TRMT11: variants seen among roughly 807,000 people sequenced by gnomAD.
TRMT11 encodes the protein tRNA (guanine(10)-N(2))-methyltransferase TRMT11.
TRMT11 carries 53 observed loss-of-function variants against 62.8 expected under a neutral mutation model. That is an observed-to-expected ratio of 0.84 (90% CI 0.68 to 1.06). TRMT11 has a LOEUF of 1.06. Among genes scored for constraint, TRMT11 ranks in the 50% least tolerant of loss-of-function variants. The pLI, the probability that TRMT11 is intolerant of heterozygous loss-of-function variation, is 0.00. For synonymous variants in TRMT11, 188 were observed against 190.3 expected (o/e 0.99, Z 0.10); for missense variants, 556 against 553.4 (o/e 1.00, Z -0.05).
intron 17 of TRMT11, among the ~76,000 whole-genome samples, chr6:126,105,707 T>C (rs1489047822): frequency 6.6e-6 from 1 of 152,176 alleles, no homozygotes; most frequent in Admixed American, 6.5e-5. Context: ...TCTTAAAAGT[T>C]TGATTTTCAA....
chr6:126,134,633 A>G (rs1323634137), intron 21 of TRMT11, among the ~76,000 whole-genome samples: 1 of 151,922 alleles, frequency 6.6e-6, no homozygotes, highest in Admixed American at 6.6e-5. Flanking sequence ...TGTATTGTAG[A>G]TTAAATGGAC....
intron 17 of TRMT11, among the ~76,000 whole-genome samples, chr6:126,060,790 A>G (rs1776514167): frequency 6.6e-6 from 1 of 152,242 alleles, no homozygotes; most frequent in African/African-American, 2.4e-5. Context: ...GGCTAGGGGT[A>G]AGTCACTATA....
chr6:126,049,379 G>T (rs1033451812), intron 16 of TRMT11, among the ~76,000 whole-genome samples: 33 of 152,286 alleles, frequency 2.2e-4, no homozygotes, highest in Middle Eastern at 3.4e-3. Flanking sequence ...TATTGATGTT[G>T]AAGCAGGCAA....
intron 21 of TRMT11, among the ~76,000 whole-genome samples, chr6:126,146,056 G>T (rs1333419872): frequency 6.6e-6 from 1 of 152,100 alleles, no homozygotes; most frequent in Non-Finnish European, 1.5e-5. Flanking sequence ...AGAATCCTGG[G>T]AGAACTTAAC....
chr6:126,069,110 G>A (rs1240583204), intron 17 of TRMT11, among the ~76,000 whole-genome samples: 7 of 152,242 alleles, frequency 4.6e-5, no homozygotes, highest in African/African-American at 1.2e-4. Context: ...CCAAGTCACA[G>A]AAGATGCTCA....
chr6:126,137,252 T>A lies in TRMT11; in HGVS notation c.*1823+21397T>A, dbSNP rs868774215. On this transcript the variant is annotated intron_variant and NMD_transcript_variant, in intron 21 of 22. Transcript: ENST00000648977. Reference sequence around the variant, plus strand: ...AACTATCCATCTGAAAAGGAATTAATAACCAGAGTATGTAAAGAACTCAAA... The same window carrying A: ...AACTATCCATCTGAAAAGGAATTAAAAACCAGAGTATGTAAAGAACTCAAA... Among the ~76,000 whole-genome samples, 23 of 151,770 alleles carry A rather than the reference T, an allele frequency of 1.5e-4. 1 individual carries two copies. Among genetic ancestry groups the A allele is most frequent in the South Asian group, 2.1e-4 (1 of 4,816 alleles).
At chr6:126,047,654 C>T (rs796730199) in intron 16 of TRMT11, among the ~76,000 whole-genome samples, 64 of 152,282 alleles carry the variant, frequency 4.2e-4, no homozygotes, top group African/African-American at 1.4e-3. Flanking sequence ...TGTCCACAGA[C>T]GGCAACTGCT....
chr6:126,257,826 T>G, the TRMT11 span: 2 of 920,990 alleles, frequency 2.2e-6, no homozygotes, highest in Non-Finnish European at 3.5e-6. Flanking sequence ...CTCATGGCAC[T>G]GAGCCTGGCC....
chr6:126,242,708 T>C, the TRMT11 span, among the ~76,000 whole-genome samples: 1 of 152,150 alleles, frequency 6.6e-6, no homozygotes, highest in African/African-American at 2.4e-5. Context: ...TAATAAATGG[T>C]TCTGGGAAAA....
At chr6:126,174,564 A>G (rs571652425), upstream of TRMT11, among the ~76,000 whole-genome samples, 3 of 152,344 alleles carry the variant, frequency 2.0e-5, no homozygotes, top group South Asian at 2.1e-4. Context: ...ACTTTACACA[A>G]AAAACAAACA....
chr6:126,045,255 A>G (rs1471384856), intron 16 of TRMT11, among the ~76,000 whole-genome samples: 2 of 152,036 alleles, frequency 1.3e-5, no homozygotes, highest in African/African-American at 2.4e-5. Flanking sequence ...AGTTCTTTGT[A>G]TGTGACCTAG....
intron 7 of TRMT11, among the ~76,000 whole-genome samples, chr6:126,007,200 G>A (rs1018302530): frequency 3.3e-5 from 5 of 151,724 alleles, no homozygotes; most frequent in Non-Finnish European, 7.4e-5. Context: ...CTTCTTCATG[G>A]GTTCTAAAAA....
At position 126,021,365 on chromosome 6, in the gene TRMT11, G is replaced by A. The variant is rs1216683204; in HGVS notation, c.1260+85G>A. The A allele has an allele frequency of 4.1e-6, 6 of 1,471,184 alleles. No homozygotes were observed. The Admixed American group carries it at 9.4e-5, about 23-fold the overall frequency. The allele number at this position is 1,471,184 out of a possible 1,614,324, so 91.1% of individuals were successfully genotyped here. On this transcript the variant is annotated intron_variant, in intron 12 of 12. Coordinates refer to ENST00000334379, the MANE Select transcript of TRMT11 (RefSeq NM_001031712.3). ...AATAGTTTTCCTGTGATAGAGTTTG[G>A]AAATGTTATTCCTTGATATTTTAAA...
the TRMT11 span, among the ~76,000 whole-genome samples, chr6:126,246,035 A>C: frequency 2.0e-5 from 3 of 152,144 alleles, no homozygotes; most frequent in African/African-American, 7.2e-5. Context: ...ACACTTTGGG[A>C]GACTAAGCCC....
chr6:125,988,525 A>G (rs907809855), intron 1 of TRMT11, among the ~76,000 whole-genome samples: 2 of 152,156 alleles, frequency 1.3e-5, no homozygotes, highest in Non-Finnish European at 2.9e-5. Flanking sequence ...GAGATTGGAC[A>G]AGGAAAGTTA....
At chr6:126,017,676 C>T (rs1795183362) in intron 11 of TRMT11, among the ~76,000 whole-genome samples, 1 of 152,220 alleles carries the variant, frequency 6.6e-6, no homozygotes, top group South Asian at 2.1e-4. Flanking sequence ...GTGACACTTT[C>T]TCAGATACTT....
intron 1 of TRMT11, among the ~76,000 whole-genome samples, chr6:126,178,645 T>G (rs1197435480): frequency 6.6e-6 from 1 of 152,190 alleles, no homozygotes; most frequent in Admixed American, 6.5e-5. Context: ...ATCCTAAGTA[T>G]GTATAGCGCA....
intron 3 of TRMT11, among the ~76,000 whole-genome samples, chr6:126,201,357 G>A (rs1227049124): frequency 6.6e-6 from 1 of 152,212 alleles, no homozygotes; most frequent in Non-Finnish European, 1.5e-5. Flanking sequence ...TCCTTAGATA[G>A]AACAAAGGTG....
At chr6:126,059,052 T>G (rs868808641) in intron 17 of TRMT11, among the ~76,000 whole-genome samples, 8 of 150,186 alleles carry the variant, frequency 5.3e-5, no homozygotes, top group South Asian at 4.3e-4. Flanking sequence ...TATCTTTTTT[T>G]TTTTTTTTTT....
Sources: allele counts gnomAD v4.1 joint callset (sites outside exome capture counted in the v4.1 genomes callset), GRCh38; gene constraint gnomAD v4.1.1; transcripts MANE v1.5; gene names NCBI Gene and HGNC (gene_info 2026-07-23, HGNC 2026-07-21).